DCDC2: variants seen among roughly 807,000 people sequenced by gnomAD.
DCDC2 encodes doublecortin domain-containing protein 2.
In DCDC2, 40 loss-of-function variants were observed where a neutral mutation model predicts 50.2. That is an observed-to-expected ratio of 0.80 (90% confidence interval 0.62 to 1.04). The LOEUF (loss-of-function observed/expected upper bound fraction) is 1.04. Ranked by LOEUF, DCDC2 falls within the 50% of genes least tolerant of loss-of-function variation. DCDC2 has a pLI of 0.00. For synonymous variants in DCDC2, 234 were observed against 210.6 expected, an observed-to-expected ratio of 1.11 and a Z score of -0.96; for missense variants, 570 against 581.9, an observed-to-expected ratio of 0.98 and a Z score of 0.21.
At chr6:24,183,646 G>C (rs1162047031) in intron 8 of DCDC2, among the ~76,000 whole-genome samples, 2 of 152,172 alleles carry the variant, frequency 1.3e-5, no homozygotes, top group Admixed American at 6.5e-5. Context: ...GACCCTGAGA[G>C]ACACATAAGG....
At chr6:24,258,524 TA>T (rs1762942667) in intron 7 of DCDC2, among the ~76,000 whole-genome samples, 1 of 152,182 alleles carries the variant, frequency 6.6e-6, no homozygotes, top group African/African-American at 2.4e-5. Context: ...AATCCTCTTG[TA>T]AGACAGAAAA....
At chr6:24,338,229 C>T (rs953542176) in intron 2 of DCDC2, among the ~76,000 whole-genome samples, 1 of 152,224 alleles carries the variant, frequency 6.6e-6, no homozygotes, top group South Asian at 2.1e-4. Context: ...GAAATACATA[C>T]ACACACATGT....
At chr6:24,235,275 GC>G (rs1762419163) in intron 7 of DCDC2, among the ~76,000 whole-genome samples, 2 of 152,290 alleles carry the variant, frequency 1.3e-5, no homozygotes, top group South Asian at 2.1e-4. Context: ...GGACAGATGG[GC>G]CTTATTCCTT....
At chr6:24,220,925 A>AGCGAGAGAGTGAGCGAGAGAGTGAGC (rs1345263843) in intron 7 of DCDC2, among the ~76,000 whole-genome samples, 1 of 152,030 alleles carries the variant, frequency 6.6e-6, no homozygotes, top group African/African-American at 2.4e-5. Flanking sequence ...CGAGCGAGCG[A>AGCGAGAGAGTGAGCGAGAGAGTGAGC]GAGCACATGC....
At chr6:24,207,051 A>G (rs1761728944) in intron 7 of DCDC2, among the ~76,000 whole-genome samples, 1 of 152,242 alleles carries the variant, frequency 6.6e-6, no homozygotes, top group Non-Finnish European at 1.5e-5. Context: ...TTTCATTTTT[A>G]CCATAAACAT....
At chr6:24,238,014 T>C (rs1163033593) in intron 7 of DCDC2, among the ~76,000 whole-genome samples, 8 of 142,884 alleles carry the variant, frequency 5.6e-5, no homozygotes, top group Non-Finnish European at 9.1e-5. Context: ...CCCCAAACCA[T>C]AGCATCAACA....
the DCDC2 span, among the ~76,000 whole-genome samples, chr6:24,380,312 C>T: frequency 6.6e-6 from 1 of 152,044 alleles, no homozygotes; most frequent in Admixed American, 6.6e-5. Flanking sequence ...CAATCACCAC[C>T]CCCCTTTATT....
the DCDC2 span, among the ~76,000 whole-genome samples, chr6:24,375,104 G>A: frequency 6.6e-6 from 1 of 152,158 alleles, no homozygotes; most frequent in East Asian, 1.9e-4. Context: ...TTAATTCTGT[G>A]GAATCTAGAC....
chr6:24,349,580 G>C (rs557498956), intron 2 of DCDC2, among the ~76,000 whole-genome samples: 1 of 152,208 alleles, frequency 6.6e-6, no homozygotes, highest in East Asian at 1.9e-4. Context: ...AAAGAAAGGA[G>C]CTGGTAAATC....
chr6:24,301,950 T>C lies in DCDC2; in HGVS notation c.425+18A>G. The C allele has an allele frequency of 6.2e-7, 1 of 1,613,058 alleles. No homozygotes were observed. The highest frequency in any genetic ancestry group is 8.5e-7 in the Non-Finnish European group (1 of 1,179,660). On this transcript the variant is annotated intron_variant, in intron 3 of 9. Transcript: ENST00000378454. ...ACCAAGCCAATTTTAACTTGAAGTATAAAGGGTTTCAACTTACAAGATAGT... is the reference window on the plus strand; with the variant it reads ...ACCAAGCCAATTTTAACTTGAAGTACAAAGGGTTTCAACTTACAAGATAGT...
intron 2 of DCDC2, among the ~76,000 whole-genome samples, chr6:24,322,458 C>T (rs977417130): frequency 1.3e-5 from 2 of 150,618 alleles, no homozygotes; most frequent in Admixed American, 1.3e-4. Flanking sequence ...AATCCACATT[C>T]TATACGAATC....
At chr6:24,295,162 T>C (rs764363182) in intron 4 of DCDC2, among the ~76,000 whole-genome samples, 10 of 152,172 alleles carry the variant, frequency 6.6e-5, no homozygotes, top group Non-Finnish European at 1.0e-4. Context: ...GCAAGGTTCA[T>C]TCAACATATG....
the DCDC2 span, among the ~76,000 whole-genome samples, chr6:24,375,910 C>T: frequency 3.3e-4 from 50 of 152,120 alleles, no homozygotes; most frequent in African/African-American, 1.2e-3. Context: ...GGGAGGCATC[C>T]TAGCTGGAGT....
intron 7 of DCDC2, among the ~76,000 whole-genome samples, chr6:24,244,593 G>T (rs1327594008): frequency 6.6e-6 from 1 of 152,158 alleles, no homozygotes; most frequent in Non-Finnish European, 1.5e-5. Context: ...ACATGCAGTT[G>T]GTCTCCACCA....
At chr6:24,323,103 G>A (rs565722971) in intron 2 of DCDC2, among the ~76,000 whole-genome samples, 4 of 152,310 alleles carry the variant, frequency 2.6e-5, no homozygotes, top group South Asian at 2.1e-4. Flanking sequence ...CTAACACTTC[G>A]GGAGGCCGAG....
chr6:24,189,642 G>GCA (rs1287120073), intron 8 of DCDC2, among the ~76,000 whole-genome samples: 1 of 152,110 alleles, frequency 6.6e-6, no homozygotes, highest in East Asian at 1.9e-4. Flanking sequence ...ATAAATAACA[G>GCA]CACAAATTAG....
chr6:24,290,788 G>A (rs1763726349), intron 5 of DCDC2, 144 bp downstream of exon 5: 1 of 582,206 alleles, frequency 1.7e-6, no homozygotes, highest in Non-Finnish European at 2.6e-6. Flanking sequence ...TAAAAACAAA[G>A]ATCAATGTAT....
At chr6:24,236,923 C>T (rs1448692847) in intron 7 of DCDC2, among the ~76,000 whole-genome samples, 1 of 151,932 alleles carries the variant, frequency 6.6e-6, no homozygotes, top group Non-Finnish European at 1.5e-5. Flanking sequence ...GCATGAGAAT[C>T]GCTTGAATCT....
chr6:24,358,757 A>T (rs1255788526), upstream of DCDC2, among the ~76,000 whole-genome samples: 6 of 97,238 alleles, frequency 6.2e-5, no homozygotes, highest in East Asian at 1.5e-3. Context: ...TTATTTATTT[A>T]TATATTATAT....
Sources: gnomAD v4.1 joint callset for allele counts (sites outside exome capture counted in the v4.1 genomes callset) on GRCh38, gnomAD v4.1.1 for gene constraint, MANE v1.5 for transcripts, NCBI Gene and HGNC (gene_info 2026-07-23, HGNC 2026-07-21) for gene names.